Variants in ARHGAP36 observed in about 807,000 individuals in gnomAD.
The protein encoded by ARHGAP36 is Rho GTPase activating protein 36.
Under a neutral mutation model 32.9 loss-of-function variants are expected in ARHGAP36, and 7 were observed. The observed-to-expected ratio is 0.21, with a 90% CI of 0.12 to 0.40. The LOEUF (loss-of-function observed/expected upper bound fraction) is 0.40, where lower values mean the gene tolerates loss of function less well. ARHGAP36 is among the 10% of genes least tolerant of loss of function. The pLI is 1.00. For missense variants in ARHGAP36, 383 were observed against 442.2 expected (o/e 0.87, Z 1.20); for synonymous variants, 165 against 168.3 (o/e 0.98, Z 0.15).
intron 1 of ARHGAP36, among the ~76,000 whole-genome samples, chrX:131,078,357 C>G (rs1233613983): frequency 8.9e-6 from 1 of 111,944 alleles, no homozygotes; most frequent in African/African-American, 3.2e-5. Flanking sequence ...GGCTCTAACA[C>G]TAGTAAAAGT....
intron 1 of ARHGAP36, among the ~76,000 whole-genome samples, chrX:131,075,529 T>C (rs2079756861): frequency 9.2e-6 from 1 of 108,950 alleles, no homozygotes; most frequent in Admixed American, 9.8e-5. Context: ...TAGTCTTTTT[T>C]TTCCAAAAAC....
Position 131,085,942 on chromosome X carries a change from C to G in ARHGAP36, c.1134C>G (p.Asn378Lys). Residue 378 changes from asparagine to lysine, a missense_variant, in exon 9 of 12, where the codon AAC becomes AAG. Coordinates refer to ENST00000276211, the MANE Select transcript of ARHGAP36 (RefSeq NM_144967.4). ...CAGGCAACCGTATGACTTCCACTAA[C>G]TTGGCCTTGGTGTTTGGATCTGCTC... ...LVPGNRMTSTNLALVFGSALL... is the reference protein window; with the variant it reads ...LVPGNRMTSTKLALVFGSALL... 8.3e-7 allele frequency: 1 copy of G among 1,211,713 alleles called. No individual in the cohort carries two copies. Among genetic ancestry groups the G allele is most frequent in the South Asian group, 1.8e-5 (1 of 56,894 alleles).
In ARHGAP36 at chrX:131,086,352, G is replaced by T; in HGVS notation, c.1305G>T (p.Gln435His). 1.7e-6 allele frequency: 2 copies of T among 1,211,982 alleles called. No homozygotes were observed. Among genetic ancestry groups the T allele is most frequent in the Non-Finnish European group, 1.1e-6 (1 of 895,587 alleles). The change falls in exon 10 of 12, where the codon CAG becomes CAT. Residue 435 changes from glutamine (Q) to histidine (H), a missense_variant. By Grantham distance (24) the Gln-to-His change is conservative (BLOSUM62 0). Coordinates refer to ENST00000276211, the MANE Select transcript of ARHGAP36 (RefSeq NM_144967.4). The stretch of plus-strand genomic sequence containing the variant: ...AGGTGCCTCCCCATATTCAGAGGCA[G>T]GTTGCTAAGCGCGTGTGGAAGTCCA... ...LFQVPPHIQR[Q>H]VAKRVWKSSP...
intron 1 of ARHGAP36, among the ~76,000 whole-genome samples, chrX:131,069,531 C>A (rs759851465): frequency 1.5e-4 from 17 of 111,177 alleles, no homozygotes; most frequent in Non-Finnish European, 2.6e-4. Context: ...TTCCCCCACC[C>A]TCTTCAAAAA....
chrX:131,078,715 G>A lies in ARHGAP36; in HGVS notation c.-142-2809G>A, dbSNP rs1363305778. The A allele has an allele frequency of 6.4e-5, 63 of 978,538 alleles. No homozygotes were observed. The Admixed American group carries it at 1.8e-3, about 29-fold the overall frequency. 80.6% of individuals were successfully genotyped at this position (978,538 alleles called of 1,213,427 possible). A position where few individuals can be genotyped will look rare whatever the true frequency, so the allele number is the denominator to read the frequency against. ...CATTGGTCTTCCTAAATCTGCTTCT[G>A]TATTGTATGCTACTGGCACCTTGAG... On this transcript the variant is annotated intron_variant, in intron 1 of 11. Coordinates refer to ENST00000276211, the MANE Select transcript of ARHGAP36 (RefSeq NM_144967.4).
intron 11 of ARHGAP36, 87 bp downstream of exon 11, chrX:131,086,752 G>A: frequency 1.3e-6 from 1 of 780,027 alleles, no homozygotes; most frequent in Non-Finnish European, 1.9e-6. Context: ...GGTCGTTGCT[G>A]AAGATGAGCC....
At position 131,083,817 on chromosome X, in the gene ARHGAP36, G is replaced by C. The variant is rs377417211; in HGVS notation, c.403G>C (p.Ala135Pro). 3.3e-6 allele frequency: 4 copies of C among 1,212,423 alleles called. No individual in the cohort carries two copies. Among genetic ancestry groups the C allele is most frequent in the Non-Finnish European group, 4.5e-6 (4 of 895,677 alleles). The change falls in exon 4 of 12, where the codon GCC becomes CCC. Residue 135 changes from alanine to proline, a missense_variant. Ala to Pro is a conservative substitution (Grantham distance 27). Around this residue, in one of 2 missense-constraint regions of ARHGAP36, gnomAD observed 156 missense variants for 131.0 expected, o/e 1.19. Coordinates refer to ENST00000276211, the MANE Select transcript of ARHGAP36 (RefSeq NM_144967.4). ...CCGCCGCAAGCATCTTGAACTGACA[G>C]CCACGATGCAGGTTGAAGAAGCCAC... is the stretch of plus-strand genomic sequence containing the variant. ...FTRRKHLELTATMQVEEATGQ... is the reference protein window; with the variant it reads ...FTRRKHLELTPTMQVEEATGQ...
At chrX:131,066,166 A>G (rs2079697784) in intron 1 of ARHGAP36, among the ~76,000 whole-genome samples, 1 of 112,687 alleles carries the variant, frequency 8.9e-6, no homozygotes, top group Non-Finnish European at 1.9e-5. Flanking sequence ...CATGAATAAT[A>G]TAAAATGGGG....
chrX:131,060,777 T>C (rs2079664362), intron 1 of ARHGAP36, among the ~76,000 whole-genome samples: 1 of 112,101 alleles, frequency 8.9e-6, no homozygotes, highest in Admixed American at 9.4e-5. Context: ...TTCCCAAATG[T>C]TGGGCCCTTA....
At position 131,089,021 on chromosome X, in the gene ARHGAP36, C is replaced by T. The variant is rs985054480; in HGVS notation, c.*236C>T. The T allele has an allele frequency of 5.4e-6, 2 of 369,613 alleles. No individual in the cohort carries two copies. The highest frequency in any genetic ancestry group is 9.0e-5 in the South Asian group (1 of 11,066). 30.5% of individuals were successfully genotyped at this position (369,613 alleles called of 1,213,427 possible). On this transcript the variant is annotated 3_prime_UTR_variant, in exon 12 of 12. Coordinates refer to ENST00000276211, the MANE Select transcript of ARHGAP36 (RefSeq NM_144967.4). ...GTTTCTGTGTCATGCCCAAGCTCCCCGGTGCTACCTTGCCTTTCTCTTTTA... is the reference window on the plus strand; with the variant it reads ...GTTTCTGTGTCATGCCCAAGCTCCCTGGTGCTACCTTGCCTTTCTCTTTTA...
intron 1 of ARHGAP36, among the ~76,000 whole-genome samples, chrX:131,062,549 C>T (rs1473740398): frequency 9.0e-6 from 1 of 111,458 alleles, no homozygotes; most frequent in Admixed American, 9.5e-5. Context: ...TGGTTTGAAT[C>T]CCAGGCCAGC....
rs746436412 is a variant in ARHGAP36 at position 131,062,186 on chromosome X, G to A, written c.-143+3742G>A. Among the ~76,000 whole-genome samples, 7 of 112,415 alleles carry A rather than the reference G, an allele frequency of 6.2e-5. No individual in the cohort carries two copies. In the South Asian group the frequency reaches 2.6e-3, roughly 42 times the overall value. On this transcript the variant is annotated intron_variant, in intron 1 of 11. Coordinates refer to ENST00000276211, the MANE Select transcript of ARHGAP36 (RefSeq NM_144967.4). Reference sequence around the variant, plus strand: ...TATGTAACAACATAGAAAATGGTATGATTGTAACTGTCAAATATGCATTTT... The same window carrying A: ...TATGTAACAACATAGAAAATGGTATAATTGTAACTGTCAAATATGCATTTT...
At chrX:131,070,391 C>G in intron 1 of ARHGAP36, among the ~76,000 whole-genome samples, 1 of 111,971 alleles carries the variant, frequency 8.9e-6, no homozygotes, top group East Asian at 2.8e-4. Context: ...GGGGATGAGG[C>G]AGGAGCCTGA....
At chrX:131,076,604 A>G (rs2079764037) in intron 1 of ARHGAP36, among the ~76,000 whole-genome samples, 1 of 112,520 alleles carries the variant, frequency 8.9e-6, no homozygotes. Flanking sequence ...GGCTTTGATT[A>G]TGTGTATTCT....
chrX:131,069,615 C>A (rs1054664909), intron 1 of ARHGAP36, among the ~76,000 whole-genome samples: 2 of 111,631 alleles, frequency 1.8e-5, no homozygotes, highest in Non-Finnish European at 3.8e-5. Flanking sequence ...GCTGATGCTC[C>A]CAAGCCAGGC....
chrX:131,084,858 C>T lies in ARHGAP36; in HGVS notation c.805-56C>T. 5.0e-6 allele frequency: 6 copies of T among 1,198,139 alleles called. No homozygotes were observed. In the South Asian group the frequency reaches 7.4e-5, roughly 15 times the overall value. On this transcript the variant is annotated intron_variant, in intron 6 of 11. Transcript: ENST00000276211. Reference sequence around the variant, plus strand: ...ATACTGGAACCTGTTGAAGGAATGACCAAGATGGAGCTGTGGTGGGCCAGG... The same window carrying T: ...ATACTGGAACCTGTTGAAGGAATGATCAAGATGGAGCTGTGGTGGGCCAGG...
intron 2 of ARHGAP36, among the ~76,000 whole-genome samples, chrX:131,082,686 G>A: frequency 8.8e-6 from 1 of 113,106 alleles, no homozygotes; most frequent in South Asian, 3.6e-4. Flanking sequence ...TGCCAGATTC[G>A]GAGTGCGGGG....
intron 5 of ARHGAP36, 72 bp from the exon 6 acceptor site, chrX:131,084,554 G>C: frequency 1.7e-6 from 2 of 1,172,509 alleles, no homozygotes; most frequent in Non-Finnish European, 2.3e-6. Flanking sequence ...GCAGTAGGGG[G>C]TGAGGGGAGA....
Position 131,081,610 on chromosome X carries a change from C to G in ARHGAP36, c.-56C>G. On this transcript the variant is annotated 5_prime_UTR_variant, in exon 2 of 12. Transcript: ENST00000276211. ...TCTACCCCCACCCCCATAGTTCTCT[C>G]CACCAGGTCCAGTGACAATTGGATG... is the stretch of plus-strand genomic sequence containing the variant. 1.4e-5 allele frequency: 14 copies of G among 970,630 alleles called. No homozygotes were observed. The highest frequency in any genetic ancestry group is 1.9e-5 in the Non-Finnish European group (14 of 740,731). 80.0% of individuals were successfully genotyped at this position (970,630 alleles called of 1,213,427 possible). A position where few individuals can be genotyped will look rare whatever the true frequency, so the allele number is the denominator to read the frequency against.
Sources: gnomAD v4.1 joint callset for allele counts (sites outside exome capture counted in the v4.1 genomes callset) on GRCh38, gnomAD v4.1.1 for gene constraint, gnomAD v4.1.1 regional missense constraint, MANE v1.5 for transcripts, NCBI Gene and HGNC (gene_info 2026-07-23, HGNC 2026-07-21) for gene names.